Variants in CTNND2 observed in about 807,000 individuals in gnomAD.
CTNND2 encodes catenin delta-2.
In CTNND2, 22 loss-of-function variants were observed where a neutral mutation model predicts 144.4. The observed-to-expected ratio is 0.15, with a 90% CI of 0.11 to 0.22. CTNND2 has a LOEUF of 0.22. CTNND2 is among the 10% of genes least tolerant of loss of function. The pLI is 1.00. For missense variants in CTNND2, 1,353 were observed against 1,618.8 expected (o/e 0.84, Z 2.82); for synonymous variants, 751 against 695.6 (o/e 1.08, Z -1.25).
At chr5:11,738,236 T>C (rs1210653357) in intron 1 of CTNND2, among the ~76,000 whole-genome samples, 1 of 152,184 alleles carries the variant, frequency 6.6e-6, no homozygotes, top group East Asian at 1.9e-4. Context: ...GAAATAAGCC[T>C]ACAGAATAAA....
At chr5:11,133,543 G>A (rs1755827168) in intron 12 of CTNND2, among the ~76,000 whole-genome samples, 1 of 151,674 alleles carries the variant, frequency 6.6e-6, no homozygotes, top group Non-Finnish European at 1.5e-5. Flanking sequence ...GTAGTGATAA[G>A]GTTTCTCCAT....
intron 9 of CTNND2, among the ~76,000 whole-genome samples, chr5:11,330,315 CA>C (rs1257414767): frequency 0.36 from 29,565 of 82,326 alleles, 3,832 homozygotes; most frequent in East Asian, 0.44. Flanking sequence ...ACTAAAAATA[CA>C]AAAAAAAAAA....
chr5:11,260,838 G>T (rs537334362), intron 9 of CTNND2, among the ~76,000 whole-genome samples: 2 of 152,152 alleles, frequency 1.3e-5, no homozygotes, highest in Non-Finnish European at 2.9e-5. Flanking sequence ...ATCATTAAGG[G>T]GGTAACATAA....
intron 3 of CTNND2, among the ~76,000 whole-genome samples, chr5:11,493,026 A>C (rs1303015047): frequency 6.6e-6 from 1 of 151,884 alleles, no homozygotes; most frequent in Non-Finnish European, 1.5e-5. Flanking sequence ...GCGCCACTAC[A>C]CTCCAGCCTG....
At chr5:11,010,651 T>G (rs901449508) in intron 18 of CTNND2, among the ~76,000 whole-genome samples, 1 of 152,216 alleles carries the variant, frequency 6.6e-6, no homozygotes, top group African/African-American at 2.4e-5. Context: ...CCACTCTGAT[T>G]TGGACATGTG....
intron 11 of CTNND2, among the ~76,000 whole-genome samples, chr5:11,179,542 C>T (rs1050120956): frequency 6.6e-6 from 1 of 151,992 alleles, no homozygotes; most frequent in African/African-American, 2.4e-5. Context: ...TTTATCTGTA[C>T]CTAACCCTGA....
At chr5:11,487,918 G>A (rs1358216833) in intron 3 of CTNND2, among the ~76,000 whole-genome samples, 1 of 152,052 alleles carries the variant, frequency 6.6e-6, no homozygotes, top group Admixed American at 6.5e-5. Flanking sequence ...ACATTTTCCA[G>A]CATACCATTG....
At chr5:11,622,810 C>T (rs914632268) in intron 2 of CTNND2, among the ~76,000 whole-genome samples, 1 of 152,076 alleles carries the variant, frequency 6.6e-6, no homozygotes, top group Non-Finnish European at 1.5e-5. Context: ...AGAAAGAGCC[C>T]TAAAAGCAAA....
intron 1 of CTNND2, among the ~76,000 whole-genome samples, chr5:11,811,439 G>T (rs984279139): frequency 4.6e-5 from 7 of 152,100 alleles, no homozygotes; most frequent in Admixed American, 4.6e-4. Context: ...TTTCTTTAAA[G>T]ATTATCATGA....
chr5:11,864,141 C>A lies in CTNND2; in HGVS notation c.37+39676G>T, dbSNP rs546102568. Among the ~76,000 whole-genome samples the A allele has an allele frequency of 2.6e-5, 4 of 152,230 alleles. No individual in the cohort carries two copies. In the South Asian group the frequency reaches 8.3e-4, roughly 32 times the overall value. On this transcript the variant is annotated intron_variant, in intron 1 of 21. Transcript: ENST00000304623. ...TCTTCCTCAGTCACAGGAAGCCACT[C>A]CCCACAACGAAAGGCAGGCTTCCAA...
At chr5:11,645,194 G>A (rs916590450) in intron 2 of CTNND2, among the ~76,000 whole-genome samples, 15 of 151,880 alleles carry the variant, frequency 9.9e-5, no homozygotes, top group Admixed American at 6.6e-5. Flanking sequence ...TTGAACTCCC[G>A]GCCTCAATCA....
chr5:11,593,180 T>C (rs1422664642), intron 2 of CTNND2, among the ~76,000 whole-genome samples: 1 of 151,680 alleles, frequency 6.6e-6, no homozygotes, highest in Non-Finnish European at 1.5e-5. Context: ...GGACACAAAA[T>C]GAGCTAACCA....
At chr5:11,026,641 G>A (rs535531896) in intron 16 of CTNND2, among the ~76,000 whole-genome samples, 1 of 152,200 alleles carries the variant, frequency 6.6e-6, no homozygotes, top group South Asian at 2.1e-4. Flanking sequence ...ACAGGTGTAA[G>A]CCACCATGCA....
chr5:11,700,671 G>A (rs1189765369), intron 2 of CTNND2, among the ~76,000 whole-genome samples: 11 of 152,144 alleles, frequency 7.2e-5, no homozygotes, highest in East Asian at 1.9e-4. Context: ...TGAAGCCTAC[G>A]GTCAATAGAG....
chr5:11,110,095 C>T (rs984469234), intron 14 of CTNND2, among the ~76,000 whole-genome samples: 1 of 152,154 alleles, frequency 6.6e-6, no homozygotes, highest in East Asian at 1.9e-4. Flanking sequence ...GTCCTCCCAT[C>T]GCTCCCTGTC....
At chr5:11,692,956 C>A (rs1455396069) in intron 2 of CTNND2, among the ~76,000 whole-genome samples, 1 of 152,218 alleles carries the variant, frequency 6.6e-6, no homozygotes, top group Non-Finnish European at 1.5e-5. Context: ...TGACAAAAAT[C>A]TCTTCTTATC....
intron 3 of CTNND2, among the ~76,000 whole-genome samples, chr5:11,449,046 G>A (rs752468846): frequency 6.6e-6 from 1 of 151,526 alleles, no homozygotes; most frequent in African/African-American, 2.4e-5. Context: ...GGGCTCAGTT[G>A]TGAATAAACT....
At chr5:11,159,534 G>C (rs1319001934) in intron 12 of CTNND2, 42 bp downstream of exon 12, 1 of 1,513,064 alleles carries the variant, frequency 6.6e-7, no homozygotes, top group Non-Finnish European at 9.0e-7. Flanking sequence ...TGTCTGGCCA[G>C]GGGAAGATGG....
intron 14 of CTNND2, among the ~76,000 whole-genome samples, chr5:11,099,928 G>A (rs1353714191): frequency 1.3e-5 from 2 of 152,086 alleles, no homozygotes. Flanking sequence ...AAAATACAGT[G>A]TAAATGACAT....
Sources: allele counts gnomAD v4.1 joint callset (sites outside exome capture counted in the v4.1 genomes callset), GRCh38; gene constraint gnomAD v4.1.1; transcripts MANE v1.5; gene names NCBI Gene and HGNC (gene_info 2026-07-23, HGNC 2026-07-21).